The following ADAM12 variants were observed in gnomAD, a reference collection of about 807,000 sequenced individuals.
The protein encoded by ADAM12 is disintegrin and metalloproteinase domain-containing protein 12.
ADAM12 carries 70 observed loss-of-function variants against 106.4 expected under a neutral mutation model. The ratio of observed to expected loss-of-function variants is 0.66; its 90% confidence interval spans 0.54 to 0.80. The LOEUF is 0.80. ADAM12 is among the 30% of genes least tolerant of loss of function. The pLI is 0.00. For synonymous variants in ADAM12, 420 were observed against 433.5 expected (o/e 0.97, Z 0.39); for missense variants, 1,010 against 1,171.9 (o/e 0.86, Z 2.02).
intron 5 of ADAM12, among the ~76,000 whole-genome samples, chr10:126,127,477 C>T (rs959677550): frequency 2.0e-5 from 3 of 152,218 alleles, no homozygotes; most frequent in Non-Finnish European, 4.4e-5. Flanking sequence ...TTGTAACATG[C>T]CAGGGTCTAG....
chr10:126,070,839 A>C (rs1172669721), intron 12 of ADAM12, among the ~76,000 whole-genome samples: 1 of 152,220 alleles, frequency 6.6e-6, no homozygotes, highest in Non-Finnish European at 1.5e-5. Flanking sequence ...GAGATTAAAA[A>C]GTGACTTTTA....
intron 3 of ADAM12, among the ~76,000 whole-genome samples, chr10:126,270,411 G>C (rs1959169625): frequency 6.6e-6 from 1 of 152,200 alleles, no homozygotes; most frequent in African/African-American, 2.4e-5. Flanking sequence ...GCTAGCCCCA[G>C]TGCTGTCCAA....
In ADAM12 at chr10:126,071,503, C is replaced by G; in HGVS notation, c.1297G>C (p.Glu433Gln). Residue 433 changes from glutamate (E) to glutamine (Q), a missense_variant, in exon 12 of 23, where the codon GAG becomes CAG. By Grantham distance (29) the Glu-to-Gln change is conservative. Around this residue, in one of 3 missense-constraint regions of ADAM12, gnomAD observed 615 missense variants for 708.5 expected, o/e 0.87. Coordinates refer to ENST00000448723, the MANE Select transcript of ADAM12 (RefSeq NM_001288973.2). ...KCGNRFVEEG[E>Q]ECDCGEPEEC... The stretch of plus-strand genomic sequence containing the variant: ...TCTGGCTCCCCACAGTCACACTCCT[C>G]TCCTTCTTCCACAAATCTGTTCCCA... 1 of 1,614,184 alleles carries G rather than the reference C, an allele frequency of 6.2e-7. No individual in the cohort carries two copies.
At chr10:126,312,172 A>G (rs1231456789) in intron 2 of ADAM12, among the ~76,000 whole-genome samples, 1 of 151,100 alleles carries the variant, frequency 6.6e-6, no homozygotes, top group Non-Finnish European at 1.5e-5. Flanking sequence ...GGTGACCAGA[A>G]GTGAAGTATA....
chr10:126,101,244 G>GGGCAAAACA lies in ADAM12; in HGVS notation c.742-12_742-4dup. The GGGCAAAACA allele has an allele frequency of 6.2e-7, 1 of 1,610,898 alleles. No homozygotes were observed. Among genetic ancestry groups the GGGCAAAACA allele is most frequent in the Non-Finnish European group, 8.5e-7 (1 of 1,178,132 alleles). ...CGAATGTTCAGTGGTCTGTAAAACTGGGCAAAACAGGCAAAACTGGCATTG... is the reference window on the plus strand; with the variant it reads ...CGAATGTTCAGTGGTCTGTAAAACTGGGCAAAACAGGCAAAACAGGCAAAACTGGCATTG... On this transcript the variant is annotated splice_region_variant and splice_polypyrimidine_tract_variant and intron_variant, in intron 8 of 22. Transcript: ENST00000448723.
At chr10:126,356,539 G>A (rs1855548454) in intron 1 of ADAM12, among the ~76,000 whole-genome samples, 1 of 152,174 alleles carries the variant, frequency 6.6e-6, no homozygotes, top group East Asian at 1.9e-4. Flanking sequence ...AGAGGTGACT[G>A]TCTCCCCAAA....
intron 3 of ADAM12, among the ~76,000 whole-genome samples, chr10:126,206,860 C>CAGGG (rs1957806969): frequency 1.0e-5 from 1 of 97,834 alleles, no homozygotes. Context: ...GTTGTGGGGG[C>CAGGG]GGGGGGGAGC....
chr10:126,135,502 GC>G, intron 5 of ADAM12, 81 bp downstream of exon 5: 1 of 1,379,934 alleles, frequency 7.2e-7, no homozygotes. Flanking sequence ...CACTCTCAGT[GC>G]TTTAGCACGA....
intron 3 of ADAM12, among the ~76,000 whole-genome samples, chr10:126,193,333 C>G (rs1017533201): frequency 1.4e-5 from 2 of 148,052 alleles, no homozygotes; most frequent in Admixed American, 6.7e-5. Flanking sequence ...ATAAACATTT[C>G]CAGAAGACAA....
intron 8 of ADAM12, among the ~76,000 whole-genome samples, chr10:126,104,246 T>G (rs1327923449): frequency 6.6e-6 from 1 of 151,932 alleles, no homozygotes; most frequent in Admixed American, 6.5e-5. Context: ...GGTTAGGAGT[T>G]TGAGGCCAGC....
At chr10:126,074,645 A>G (rs368451755) in intron 11 of ADAM12, among the ~76,000 whole-genome samples, 1 of 152,112 alleles carries the variant, frequency 6.6e-6, no homozygotes, top group African/African-American at 2.4e-5. Context: ...CTGAAGGACA[A>G]CTCCCAAGTG....
rs548487742 is a variant in ADAM12 at position 126,049,018 on chromosome 10, G to A, written c.1917+235C>T. On this transcript the variant is annotated intron_variant, in intron 16 of 22. Transcript: ENST00000448723. The surrounding 1 kb of genome is among the most constrained non-coding windows in gnomAD (Gnocchi z 4.4). ...GCTAGAAGTCCTCATGCCACCTGGAGTGTAGAAATGACTTATTAACACTCA... is the reference window on the plus strand; with the variant it reads ...GCTAGAAGTCCTCATGCCACCTGGAATGTAGAAATGACTTATTAACACTCA... Among the ~76,000 whole-genome samples the A allele has an allele frequency of 5.1e-4, 78 of 152,332 alleles. No individual in the cohort carries two copies. Among genetic ancestry groups the A allele is most frequent in the African/African-American group, 1.8e-3 (74 of 41,572 alleles).
At chr10:126,187,326 T>TAAAAA (rs10638442) in intron 3 of ADAM12, among the ~76,000 whole-genome samples, 32,774 of 148,266 alleles carry the variant, frequency 0.22, 4,193 homozygotes, top group East Asian at 0.39. Flanking sequence ...GGAAATGAAA[T>TAAAAA]AAAAAAAAAA....
intron 4 of ADAM12, among the ~76,000 whole-genome samples, chr10:126,137,263 C>T (rs529632201): frequency 1.2e-4 from 18 of 152,182 alleles, no homozygotes; most frequent in Non-Finnish European, 2.1e-4. Context: ...ACTCTCTGTG[C>T]TAGCCCACTG....
intron 3 of ADAM12, among the ~76,000 whole-genome samples, chr10:126,265,071 G>T (rs1235562050): frequency 6.6e-6 from 1 of 152,178 alleles, no homozygotes; most frequent in Non-Finnish European, 1.5e-5. Context: ...CAGAGTATAA[G>T]AAGCTACTCC....
At chr10:126,152,588 T>A (rs55947763) in intron 4 of ADAM12, among the ~76,000 whole-genome samples, 23,965 of 151,348 alleles carry the variant, frequency 0.16, 2,378 homozygotes, top group Non-Finnish European at 0.23. Context: ...GCTTTTTTTT[T>A]AATTAAGATT....
intron 6 of ADAM12, among the ~76,000 whole-genome samples, chr10:126,116,923 C>T (rs1955994087): frequency 1.3e-5 from 2 of 152,066 alleles, no homozygotes; most frequent in South Asian, 4.2e-4. Flanking sequence ...GAATAATATT[C>T]ATTAAATATT....
Position 126,369,993 on chromosome 10 carries a change from T to C in ADAM12, c.88+18065A>G, listed in dbSNP as rs79063225. On this transcript the variant is annotated intron_variant, in intron 1 of 22. Transcript: ENST00000448723. ...TGCCTTCTCAGTCTGCAGGCCTTGA[T>C]GAAGCAAGCTTCTATATTGGAGAGA... 8.3e-3 allele frequency among the ~76,000 whole-genome samples: 1,264 copies of C among 152,352 alleles called. 18 individuals carry two copies. The highest frequency in any genetic ancestry group is 0.012 in the Non-Finnish European group (832 of 68,038).
chr10:126,249,335 T>C (rs550371269), intron 3 of ADAM12, among the ~76,000 whole-genome samples: 140 of 152,244 alleles, frequency 9.2e-4, no homozygotes, highest in African/African-American at 3.3e-3. Context: ...TGGGGGTTGG[T>C]GGTGATGGGG....
Sources: allele counts gnomAD v4.1 joint callset (sites outside exome capture counted in the v4.1 genomes callset), GRCh38; gene constraint gnomAD v4.1.1; regional missense constraint gnomAD v4.1.1; non-coding constraint Gnocchi (gnomAD v3.1); transcripts MANE v1.5; gene names NCBI Gene and HGNC (gene_info 2026-07-23, HGNC 2026-07-21).